The following XDH variants were observed in gnomAD, a reference collection of about 807,000 sequenced individuals.
XDH encodes xanthine dehydrogenase/oxidase.
XDH carries 138 observed loss-of-function variants against 156.1 expected under a neutral mutation model. That is an observed-to-expected ratio of 0.88 (90% CI 0.77 to 1.02). The LOEUF is 1.02. XDH is among the 50% of genes least tolerant of loss of function. The probability of loss-of-function intolerance (pLI) is 0.00; values close to 1 mark genes in which losing one functional copy is unlikely to be tolerated. For synonymous variants in XDH, 669 were observed against 625.7 expected, an observed-to-expected ratio of 1.07 and a Z score of -1.03; for missense variants, 1,849 against 1,684.9, an observed-to-expected ratio of 1.10 and a Z score of -1.71.
At chr2:31,386,984 GAAGAA>G (rs869134442) in intron 8 of XDH, among the ~76,000 whole-genome samples, 1 of 65,530 alleles carries the variant, frequency 1.5e-5, no homozygotes, top group Middle Eastern at 5.2e-3. Context: ...GGGAGGGAGG[GAAGAA>G]AGGAAGGAAG....
At chr2:31,346,253 T>C (rs1387614751) in intron 30 of XDH, among the ~76,000 whole-genome samples, 12 of 152,194 alleles carry the variant, frequency 7.9e-5, no homozygotes, top group Admixed American at 7.9e-4. Context: ...AGTCAGAGAA[T>C]TGGGCTCATT....
rs1002231792 is a variant in XDH, at chr2:31,378,212, A to C, written c.1243-975T>G. Among the ~76,000 whole-genome samples the C allele has an allele frequency of 2.6e-5, 4 of 152,020 alleles. 1 individual carries two copies. The highest frequency in any genetic ancestry group is 4.4e-5 in the Non-Finnish European group (3 of 68,014). On this transcript the variant is annotated intron_variant, in intron 13 of 35. Transcript: ENST00000379416. ...CAAGCAAAGCAAGAAAGCAAGCAAG[A>C]AAGAAAATATCACTATCACACTATG...
chr2:31,368,619 G>A lies in XDH; in HGVS notation c.2022C>T (p.Asp674=), dbSNP rs185713366. 1.9e-6 allele frequency: 3 copies of A among 1,614,196 alleles called. No homozygotes were observed. Among genetic ancestry groups the A allele is most frequent in the Admixed American group, 3.3e-5 (2 of 60,034 alleles). ...VGHIIGAVVA[D]TPEHTQRAAQ... is the part of the protein sequence containing the mutation. ...CAGCTCTCTGTGTGTGTTCCGGGGTGTCAGCAACCACAGCACCAATGATAT... is the reference window on the plus strand; with the variant it reads ...CAGCTCTCTGTGTGTGTTCCGGGGTATCAGCAACCACAGCACCAATGATAT... Residue 674 remains aspartate, a synonymous_variant, in exon 19 of 36, where the codon GAC becomes GAT. Coordinates refer to ENST00000379416, the MANE Select transcript of XDH (RefSeq NM_000379.4).
At chr2:31,399,721 C>T (rs373537301) in intron 4 of XDH, among the ~76,000 whole-genome samples, 13 of 152,122 alleles carry the variant, frequency 8.5e-5, no homozygotes, top group African/African-American at 1.2e-4. Context: ...ATAAATCTGA[C>T]GAAATCTGAA....
chr2:31,356,789 T>C lies in XDH; in HGVS notation c.2632-6566A>G, dbSNP rs368449547. Among the ~76,000 whole-genome samples the C allele has an allele frequency of 9.2e-5, 14 of 152,334 alleles. No homozygotes were observed. In the East Asian group the frequency reaches 1.7e-3, roughly 19 times the overall value. On this transcript the variant is annotated intron_variant, in intron 24 of 35. Coordinates refer to ENST00000379416, the MANE Select transcript of XDH (RefSeq NM_000379.4). ...CAGCAAAATACACATTCTGCTTAGG[T>C]GCCCGTGGAACTTGTATCAAAACAG...
chr2:31,377,369 C>A (rs113335263), intron 13 of XDH, 132 bp from the exon 14 acceptor site: 4 of 956,812 alleles, frequency 4.2e-6, no homozygotes, highest in African/African-American at 3.2e-5. Context: ...GAACTGGCCC[C>A]GGGAATCAAA....
chr2:31,369,620 C>T (rs1686018531), intron 18 of XDH, among the ~76,000 whole-genome samples: 1 of 152,192 alleles, frequency 6.6e-6, no homozygotes, highest in Non-Finnish European at 1.5e-5. Flanking sequence ...GTGGTTAAAT[C>T]TGGCTGACTT....
chr2:31,372,185 C>G (rs772307239), intron 17 of XDH, 43 bp downstream of exon 17: 1 of 1,613,998 alleles, frequency 6.2e-7, no homozygotes, highest in Non-Finnish European at 8.5e-7. Flanking sequence ...CCCAGTGGCC[C>G]CCTCACAGCA....
At chr2:31,343,311 T>TATGTATGTTTAA (rs1553411679) in intron 31 of XDH, among the ~76,000 whole-genome samples, 9 of 86,156 alleles carry the variant, frequency 1.0e-4, no homozygotes, top group Admixed American at 7.2e-4. Context: ...TATATATATA[T>TATGTATGTTTAA]ATATATATAT....
chr2:31,396,692 A>G (rs945338015), intron 6 of XDH, among the ~76,000 whole-genome samples: 3 of 152,222 alleles, frequency 2.0e-5, no homozygotes, highest in African/African-American at 7.2e-5. Flanking sequence ...AGACTTGCCC[A>G]AGGTCGTGCA....
intron 28 of XDH, 34 bp from the exon 29 acceptor site, chr2:31,347,684 G>C (rs372298461): frequency 1.2e-6 from 2 of 1,605,330 alleles, no homozygotes; most frequent in Middle Eastern, 1.7e-4. Context: ...CTCTAGGGAA[G>C]GGGTTATCAT....
At position 31,335,650 on chromosome 2, in the gene XDH, G is replaced by A. The variant is rs45460500; in HGVS notation, c.*308C>T. 1 of 477,424 alleles carries A rather than the reference G, an allele frequency of 2.1e-6. No homozygotes were observed. Among genetic ancestry groups the A allele is most frequent in the Admixed American group, 3.3e-5 (1 of 29,954 alleles). 29.6% of individuals were successfully genotyped at this position (477,424 alleles called of 1,614,324 possible). A position where few individuals can be genotyped will look rare whatever the true frequency, so the allele number is the denominator to read the frequency against. ...AACTTGAGGTTATACAGGCTGTCCA[G>A]TAAGTGGGGAATAGCACAAACCCTT... On this transcript the variant is annotated 3_prime_UTR_variant, in exon 36 of 36. Coordinates refer to ENST00000379416, the MANE Select transcript of XDH (RefSeq NM_000379.4).
chr2:31,399,300 T>C (rs539244562), intron 4 of XDH, among the ~76,000 whole-genome samples: 9 of 152,220 alleles, frequency 5.9e-5, no homozygotes, highest in Non-Finnish European at 1.2e-4. Flanking sequence ...AAGCTGAAGT[T>C]GTAAATGAGA....
chr2:31,414,668 G>A lies in XDH; in HGVS notation c.-2C>T, dbSNP rs1687431257. The A allele has an allele frequency of 3.1e-6, 5 of 1,614,054 alleles. No homozygotes were observed. Among genetic ancestry groups the A allele is most frequent in the African/African-American group, 2.7e-5 (2 of 75,014 alleles). On this transcript the variant is annotated 5_prime_UTR_variant, in exon 1 of 36. Transcript: ENST00000379416. ...GAAAACCAATTTGTCTGCTGTCATT[G>A]TCACAGGTTGGGGTCCCCGAACTCC...
chr2:31,356,588 A>G (rs914269022), intron 24 of XDH, among the ~76,000 whole-genome samples: 2 of 152,208 alleles, frequency 1.3e-5, no homozygotes, highest in Non-Finnish European at 2.9e-5. Context: ...AGAAACTACA[A>G]AAGGTCAGGA....
chr2:31,407,315 G>T (rs563255679), intron 1 of XDH, among the ~76,000 whole-genome samples: 1 of 152,278 alleles, frequency 6.6e-6, no homozygotes, highest in South Asian at 2.1e-4. Context: ...GCTGTGCTGG[G>T]GTTGGTATAC....
intron 11 of XDH, among the ~76,000 whole-genome samples, chr2:31,382,349 G>T (rs967938817): frequency 6.6e-6 from 1 of 152,094 alleles, no homozygotes; most frequent in Non-Finnish European, 1.5e-5. Context: ...TACTTGGGGT[G>T]GGGGCTGGGA....
intron 1 of XDH, among the ~76,000 whole-genome samples, chr2:31,408,875 G>A (rs1687263251): frequency 6.6e-6 from 1 of 152,180 alleles, no homozygotes; most frequent in South Asian, 2.1e-4. Flanking sequence ...CCAACATTTG[G>A]AAGCAACCTA....
chr2:31,373,532 G>GGTTTGTTTGTTT (rs71405565), intron 16 of XDH, among the ~76,000 whole-genome samples: 3 of 149,782 alleles, frequency 2.0e-5, no homozygotes, highest in Non-Finnish European at 3.0e-5. Flanking sequence ...GCAGATAGAT[G>GGTTTGTTTGTTT]GTTTGTTTGT....
Sources: gnomAD v4.1 joint callset for allele counts (sites outside exome capture counted in the v4.1 genomes callset) on GRCh38, gnomAD v4.1.1 for gene constraint, MANE v1.5 for transcripts, NCBI Gene and HGNC (gene_info 2026-07-23, HGNC 2026-07-21) for gene names.